The following AKAP19 variants were observed in gnomAD, a reference collection of about 807,000 sequenced individuals.
AKAP19 encodes small A-kinase anchoring protein.
chr2:189,926,577 C>T, the AKAP19 span, among the ~76,000 whole-genome samples: 2 of 137,420 alleles, frequency 1.5e-5, no homozygotes, highest in Non-Finnish European at 3.1e-5. Flanking sequence ...TGAGCCACCG[C>T]GCCCGGCCTT....
chr2:190,063,247 A>T, the AKAP19 span, among the ~76,000 whole-genome samples: 31 of 152,212 alleles, frequency 2.0e-4, no homozygotes, highest in Admixed American at 7.9e-4. Context: ...ACTAGTTGAG[A>T]ATTTTCATCT....
the AKAP19 span, among the ~76,000 whole-genome samples, chr2:190,100,823 A>T: frequency 6.6e-6 from 1 of 152,190 alleles, no homozygotes; most frequent in Admixed American, 6.5e-5. Context: ...ATTGTGAAAG[A>T]TACTCCAGAT....
the AKAP19 span, among the ~76,000 whole-genome samples, chr2:190,132,592 G>A: frequency 6.6e-6 from 1 of 152,004 alleles, no homozygotes; most frequent in Non-Finnish European, 1.5e-5. Flanking sequence ...GCAGAAGAAT[G>A]AAATCAGACC....
At chr2:189,999,091 T>A in the AKAP19 span, among the ~76,000 whole-genome samples, 1 of 151,992 alleles carries the variant, frequency 6.6e-6, no homozygotes, top group African/African-American at 2.4e-5. Flanking sequence ...TTTTATTGAC[T>A]TCTCTTCTAA....
the AKAP19 span, among the ~76,000 whole-genome samples, chr2:190,187,199 T>C: frequency 6.6e-6 from 1 of 152,026 alleles, no homozygotes; most frequent in Non-Finnish European, 1.5e-5. Flanking sequence ...CACAACATGG[T>C]TTTTTTATAT....
At chr2:190,051,692 T>TA in the AKAP19 span, among the ~76,000 whole-genome samples, 1 of 152,194 alleles carries the variant, frequency 6.6e-6, no homozygotes, top group Non-Finnish European at 1.5e-5. Flanking sequence ...GTAAGGAACT[T>TA]AAGTTCACTG....
the AKAP19 span, among the ~76,000 whole-genome samples, chr2:190,044,155 G>C: frequency 6.6e-6 from 1 of 152,070 alleles, no homozygotes; most frequent in South Asian, 2.1e-4. Flanking sequence ...TTATGACTTG[G>C]CACTCCTGAG....
the AKAP19 span, among the ~76,000 whole-genome samples, chr2:189,881,441 A>C: frequency 6.6e-6 from 1 of 152,178 alleles, no homozygotes; most frequent in Admixed American, 6.5e-5. Flanking sequence ...CAGGTTTGTG[A>C]AGTCTCATGT....
chr2:189,881,093 A>G, the AKAP19 span, among the ~76,000 whole-genome samples: 1 of 152,224 alleles, frequency 6.6e-6, no homozygotes, highest in Non-Finnish European at 1.5e-5. Flanking sequence ...TACTGTAAAC[A>G]AAGATAAGTA....
the AKAP19 span, among the ~76,000 whole-genome samples, chr2:190,145,493 T>C: frequency 0.92 from 139,860 of 152,230 alleles, 64,991 homozygotes; most frequent in East Asian, 1. Context: ...CACTGCATAA[T>C]AATGTTTTGG....
the AKAP19 span, among the ~76,000 whole-genome samples, chr2:189,888,860 C>T: frequency 1.3e-5 from 2 of 152,170 alleles, no homozygotes; most frequent in Non-Finnish European, 2.9e-5. Flanking sequence ...ATGGGGTTTT[C>T]TAAATATACA....
chr2:190,129,672 A>G, the AKAP19 span, among the ~76,000 whole-genome samples: 1 of 152,144 alleles, frequency 6.6e-6, no homozygotes, highest in African/African-American at 2.4e-5. Context: ...AGGCAATAAT[A>G]TTAGCAAGTA....
At chr2:190,054,567 A>G in the AKAP19 span, among the ~76,000 whole-genome samples, 1 of 152,190 alleles carries the variant, frequency 6.6e-6, no homozygotes, top group Admixed American at 6.5e-5. Flanking sequence ...AATGGGAGAA[A>G]ATTTTTGCAA....
the AKAP19 span, among the ~76,000 whole-genome samples, chr2:189,977,691 G>C: frequency 1.3e-5 from 2 of 152,180 alleles, no homozygotes; most frequent in Non-Finnish European, 2.9e-5. Flanking sequence ...TGCTGGAGTG[G>C]TGTAGGTAGA....
the AKAP19 span, among the ~76,000 whole-genome samples, chr2:190,195,515 G>C: frequency 6.6e-6 from 1 of 152,134 alleles, no homozygotes; most frequent in African/African-American, 2.4e-5. Flanking sequence ...ACATGATGTT[G>C]AACACTTTTC....
the AKAP19 span, among the ~76,000 whole-genome samples, chr2:189,882,666 G>A: frequency 1.3e-5 from 2 of 152,120 alleles, no homozygotes; most frequent in East Asian, 1.9e-4. Flanking sequence ...GTGAGCAGAA[G>A]GATGACTTTC....
At chr2:190,181,789 AT>A in the AKAP19 span, among the ~76,000 whole-genome samples, 1 of 152,208 alleles carries the variant, frequency 6.6e-6, no homozygotes, top group East Asian at 1.9e-4. Flanking sequence ...TTAGATAAGA[AT>A]TCGGAGGAAT....
At chr2:189,881,520 A>G in the AKAP19 span, among the ~76,000 whole-genome samples, 1 of 152,206 alleles carries the variant, frequency 6.6e-6, no homozygotes, top group African/African-American at 2.4e-5. Context: ...TGGAAAATCT[A>G]TATAGGCCAC....
the AKAP19 span, among the ~76,000 whole-genome samples, chr2:190,164,637 C>T: frequency 5.9e-5 from 9 of 151,934 alleles, no homozygotes; most frequent in Non-Finnish European, 1.3e-4. Flanking sequence ...ATTCAATCTA[C>T]CATAAATTTT....
Sources: allele counts gnomAD v4.1 joint callset (sites outside exome capture counted in the v4.1 genomes callset), GRCh38; gene constraint gnomAD v4.1.1; transcripts MANE v1.5; gene names NCBI Gene and HGNC (gene_info 2026-07-23, HGNC 2026-07-21).